Variants in ELAVL1 observed in about 807,000 individuals in gnomAD.
ELAVL1 encodes ELAV-like protein 1.
In ELAVL1, 1 loss-of-function variant was observed where a neutral mutation model predicts 28.4. That is an observed-to-expected ratio of 0.04 (90% CI 0.01 to 0.17). The LOEUF (loss-of-function observed/expected upper bound fraction) is 0.17, where lower values mean the gene tolerates loss of function less well. ELAVL1 is among the 10% of genes least tolerant of loss of function. The pLI is 1.00. For synonymous variants in ELAVL1, 174 were observed against 183.5 expected, an observed-to-expected ratio of 0.95 and a Z score of 0.42; for missense variants, 157 against 447.2, an observed-to-expected ratio of 0.35 and a Z score of 5.85.
chr19:7,989,135 G>T (rs1266777619), intron 2 of ELAVL1, among the ~76,000 whole-genome samples: 3 of 152,196 alleles, frequency 2.0e-5, no homozygotes, highest in African/African-American at 7.2e-5. Flanking sequence ...GTCTTGGGAG[G>T]CTGGGAGAAA....
At position 7,981,972 on chromosome 19, in the gene ELAVL1, G is replaced by C. The variant is rs1268624453; in HGVS notation, c.173-786C>G. On this transcript the variant is annotated intron_variant, in intron 2 of 5. Transcript: ENST00000407627. This position sits in a 1 kb window ranked among gnomAD's most constrained non-coding sequence, Gnocchi z 4.2. ...AGCCTGAGACCAGCCCGACCCCGCTGTGGGGCAGAAGAGTCCAGGGAGAGG... is the reference window on the plus strand; with the variant it reads ...AGCCTGAGACCAGCCCGACCCCGCTCTGGGGCAGAAGAGTCCAGGGAGAGG... Among the ~76,000 whole-genome samples the C allele has an allele frequency of 6.6e-6, 1 of 152,218 alleles. No homozygotes were observed. Among genetic ancestry groups the C allele is most frequent in the African/African-American group, 2.4e-5 (1 of 41,468 alleles).
intron 4 of ELAVL1, among the ~76,000 whole-genome samples, chr19:7,968,006 A>C (rs1424956080): frequency 6.6e-6 from 1 of 152,346 alleles, no homozygotes; most frequent in Non-Finnish European, 1.5e-5. Context: ...TCCCGGCTGA[A>C]GCCATGACTC....
intron 3 of ELAVL1, among the ~76,000 whole-genome samples, chr19:7,980,692 T>A (rs1193472893): frequency 6.6e-6 from 1 of 152,040 alleles, no homozygotes; most frequent in Non-Finnish European, 1.5e-5. Context: ...AATTTGTCTG[T>A]TTTGGTCACT....
In ELAVL1 at chr19:7,971,137, GC is replaced by G. The variant is rs1385801672; in HGVS notation, c.430+2587del. ...GACCCTGGGGGCGCAATACTAAGGTGCCCCCAACACCCTGGGAGACACTATC... is the reference window on the plus strand; with the variant it reads ...GACCCTGGGGGCGCAATACTAAGGTGCCCCAACACCCTGGGAGACACTATC... On this transcript the variant is annotated intron_variant, in intron 4 of 5. Coordinates refer to ENST00000407627, the MANE Select transcript of ELAVL1 (RefSeq NM_001419.3). 2.6e-5 allele frequency among the ~76,000 whole-genome samples: 4 copies of G among 152,178 alleles called. No homozygotes were observed. In the East Asian group the frequency reaches 7.7e-4, roughly 29 times the overall value.
intron 2 of ELAVL1, among the ~76,000 whole-genome samples, chr19:7,986,391 T>C (rs749308877): frequency 2.0e-5 from 3 of 152,170 alleles, no homozygotes; most frequent in Admixed American, 6.5e-5. Context: ...AGAAGGGTAT[T>C]TTACAAAAGT....
chr19:8,001,947 C>G (rs2081069423), intron 1 of ELAVL1: 9 of 926,816 alleles, frequency 9.7e-6, no homozygotes, highest in Middle Eastern at 3.4e-4. Flanking sequence ...ACGGGGCCAC[C>G]TCAGTACTGC....
Position 7,981,055 on chromosome 19 carries a change from G to A in ELAVL1, c.276+28C>T. On this transcript the variant is annotated intron_variant, in intron 3 of 5. Coordinates refer to ENST00000407627, the MANE Select transcript of ELAVL1 (RefSeq NM_001419.3). This position sits in a 1 kb window ranked among gnomAD's most constrained non-coding sequence, Gnocchi z 4.2. The stretch of plus-strand genomic sequence containing the variant: ...ACAGACCTGTGCCCAGGGCAGGAAT[G>A]GATGCGGTGGTGATCAGATCCCTTT... 1 of 1,608,718 alleles carries A rather than the reference G, an allele frequency of 6.2e-7. No individual in the cohort carries two copies. Among genetic ancestry groups the A allele is most frequent in the Non-Finnish European group, 8.5e-7 (1 of 1,175,354 alleles).
In ELAVL1 at chr19:7,961,006, T is replaced by G. The variant is rs1204185323; in HGVS notation, c.*2477A>C. 1 of 152,186 alleles carries G rather than the reference T, an allele frequency of 6.6e-6. No homozygotes were observed. Among genetic ancestry groups the G allele is most frequent in the Non-Finnish European group, 1.5e-5 (1 of 68,034 alleles). 9.4% of individuals were successfully genotyped at this position (152,186 alleles called of 1,614,324 possible). The stretch of plus-strand genomic sequence containing the variant: ...AGACTCCCAAATAAAGGCTTTGGAA[T>G]TTTTTAGCTAGAAGGCTGTTCAAAC... On this transcript the variant is annotated 3_prime_UTR_variant, in exon 6 of 6. Transcript: ENST00000407627.
At chr19:7,984,244 T>G (rs1005305534) in intron 2 of ELAVL1, among the ~76,000 whole-genome samples, 1 of 152,126 alleles carries the variant, frequency 6.6e-6, no homozygotes, top group African/African-American at 2.4e-5. Flanking sequence ...TAGTGATGCA[T>G]GACAGAGGAC....
intron 4 of ELAVL1, among the ~76,000 whole-genome samples, chr19:7,972,359 G>A (rs1271377646): frequency 6.6e-6 from 1 of 152,244 alleles, no homozygotes; most frequent in Non-Finnish European, 1.5e-5. Flanking sequence ...AGCCGTGGGC[G>A]TGCACATGTC....
chr19:7,993,841 C>T (rs1985814590), intron 1 of ELAVL1, among the ~76,000 whole-genome samples: 1 of 152,152 alleles, frequency 6.6e-6, no homozygotes, highest in South Asian at 2.1e-4. Context: ...CCAGCAGTTA[C>T]ATAAAAATCT....
At chr19:7,968,471 T>A (rs2145202232) in intron 4 of ELAVL1, among the ~76,000 whole-genome samples, 1 of 152,330 alleles carries the variant, frequency 6.6e-6, no homozygotes, top group East Asian at 1.9e-4. Flanking sequence ...GCCATCAGAA[T>A]CAAATGAGGC....
Position 7,959,069 on chromosome 19 carries a change from AT to A in ELAVL1, c.*4413del, listed in dbSNP as rs1217624531. The A allele has an allele frequency of 1.3e-5, 2 of 152,040 alleles. No homozygotes were observed. Among genetic ancestry groups the A allele is most frequent in the Non-Finnish European group, 3.0e-5 (2 of 67,534 alleles). The allele number at this position is 152,040 out of a possible 1,614,324, so 9.4% of individuals were successfully genotyped here. A position where few individuals can be genotyped will look rare whatever the true frequency, so the allele number is the denominator to read the frequency against. ...TATTCACAAGGATTAAAAAAAAAAA[AT>A]AAAAAGGCAATGGGCTGATGGAAAA... On this transcript the variant is annotated 3_prime_UTR_variant, in exon 6 of 6. Coordinates refer to ENST00000407627, the MANE Select transcript of ELAVL1 (RefSeq NM_001419.3).
In ELAVL1 at chr19:7,960,228, A is replaced by G. The variant is rs563228104; in HGVS notation, c.*3255T>C. 2.0e-5 allele frequency: 3 copies of G among 152,344 alleles called. No homozygotes were observed. The highest frequency in any genetic ancestry group is 1.9e-4 in the East Asian group (1 of 5,176). 9.4% of individuals were successfully genotyped at this position (152,344 alleles called of 1,614,324 possible). On this transcript the variant is annotated 3_prime_UTR_variant, in exon 6 of 6. Coordinates refer to ENST00000407627, the MANE Select transcript of ELAVL1 (RefSeq NM_001419.3). Reference sequence around the variant, plus strand: ...TCCAAAGGGCCGGTCTTGGCTCCCAACAGCAGCACGGTTCAGTCCCTGGAG... The same window carrying G: ...TCCAAAGGGCCGGTCTTGGCTCCCAGCAGCAGCACGGTTCAGTCCCTGGAG...
chr19:7,975,953 C>G (rs559600421), intron 3 of ELAVL1, among the ~76,000 whole-genome samples: 8 of 151,880 alleles, frequency 5.3e-5, no homozygotes, highest in Admixed American at 5.2e-4. Context: ...ATTAGCTGGT[C>G]GTGGTGGGGC....
At position 7,982,401 on chromosome 19, in the gene ELAVL1, G is replaced by C. The variant is rs1985489028; in HGVS notation, c.173-1215C>G. On this transcript the variant is annotated intron_variant, in intron 2 of 5. Coordinates refer to ENST00000407627, the MANE Select transcript of ELAVL1 (RefSeq NM_001419.3). The surrounding 1 kb of genome is among the most constrained non-coding windows in gnomAD (Gnocchi z 4.3). The stretch of plus-strand genomic sequence containing the variant: ...CAGGTCACCGAACAGGAGGTGGCCT[G>C]GAGCCCCACTGAGGCAGAGATCCTC... Among the ~76,000 whole-genome samples, 2 of 152,184 alleles carry C rather than the reference G, an allele frequency of 1.3e-5. No homozygotes were observed. Among genetic ancestry groups the C allele is most frequent in the African/African-American group, 2.4e-5 (1 of 41,438 alleles).
chr19:7,992,915 G>A lies in ELAVL1; in HGVS notation c.-16-1084C>T, dbSNP rs144776584. Among the ~76,000 whole-genome samples, 54 of 152,252 alleles carry A rather than the reference G, an allele frequency of 3.5e-4. No individual in the cohort carries two copies. The East Asian group carries it at 9.7e-3, about 27-fold the overall frequency. On this transcript the variant is annotated intron_variant, in intron 1 of 5. Transcript: ENST00000407627. ...CTCAGCCTCCTGAGTAGCTGGGAAC[G>A]CAGGCATGTGCCACCACGCCCGGCT...
chr19:7,997,977 A>G (rs1157498315), intron 1 of ELAVL1, among the ~76,000 whole-genome samples: 1 of 152,060 alleles, frequency 6.6e-6, no homozygotes, highest in Non-Finnish European at 1.5e-5. Context: ...CCACAATAAA[A>G]ATAAATTTTA....
At chr19:8,002,570 C>A (rs1338942733) in intron 1 of ELAVL1, among the ~76,000 whole-genome samples, 1 of 152,250 alleles carries the variant, frequency 6.6e-6, no homozygotes, top group Non-Finnish European at 1.5e-5. Flanking sequence ...CCTAGGGGCG[C>A]CAGCCGGGCG....
Sources: gnomAD v4.1 joint callset for allele counts (sites outside exome capture counted in the v4.1 genomes callset) on GRCh38, gnomAD v4.1.1 for gene constraint, Gnocchi (gnomAD v3.1) non-coding constraint, MANE v1.5 for transcripts, NCBI Gene and HGNC (gene_info 2026-07-23, HGNC 2026-07-21) for gene names.